The following NUDCD2 variants were observed in gnomAD, a reference collection of about 807,000 sequenced individuals.
NUDCD2 encodes the protein NudC domain containing 2.
NUDCD2 carries 16 observed loss-of-function variants against 20.8 expected under a neutral mutation model. The observed-to-expected ratio is 0.77, with a 90% CI of 0.52 to 1.17. The LOEUF is 1.17. NUDCD2 is among the 50% of genes most tolerant of loss of function. The pLI is 0.00. For missense variants in NUDCD2, 199 were observed against 193.9 expected (o/e 1.03, Z -0.16); for synonymous variants, 87 against 72.8 (o/e 1.20, Z -1.00).
chr5:163,449,100 TC>T lies in NUDCD2; in HGVS notation c.*4866del, dbSNP rs1758114028. 6.6e-6 allele frequency: 1 copy of T among 152,050 alleles called. No individual in the cohort carries two copies. The highest frequency in any genetic ancestry group is 1.5e-5 in the Non-Finnish European group (1 of 68,008). 9.4% of individuals were successfully genotyped at this position (152,050 alleles called of 1,614,324 possible). A position where few individuals can be genotyped will look rare whatever the true frequency, so the allele number is the denominator to read the frequency against. ...GGCCACTGCAATCAGGCAAGAAAAA[TC>T]ATAGACTAAAAAGAATAAAATAAAA... On this transcript the variant is annotated 3_prime_UTR_variant, in exon 4 of 4. Transcript: ENST00000302764.
chr5:163,456,732 A>C (rs1758320700), intron 3 of NUDCD2, among the ~76,000 whole-genome samples, 197 bp downstream of exon 3: 1 of 152,224 alleles, frequency 6.6e-6, no homozygotes, highest in Non-Finnish European at 1.5e-5. Flanking sequence ...AGCAATACAA[A>C]TAAATTCCTC....
At position 163,446,847 on chromosome 5, in the gene NUDCD2, T is replaced by G. The variant is rs1187071488; in HGVS notation, c.*7120A>C. The G allele has an allele frequency of 6.6e-6, 1 of 152,086 alleles. No individual in the cohort carries two copies. The highest frequency in any genetic ancestry group is 1.5e-5 in the Non-Finnish European group (1 of 68,066). 9.4% of individuals were successfully genotyped at this position (152,086 alleles called of 1,614,324 possible). Reference sequence around the variant, plus strand: ...ATGGCCAACATGGTGAAACCCCATCTCTACTAAAAATACAAAAATCAGCTG... The same window carrying G: ...ATGGCCAACATGGTGAAACCCCATCGCTACTAAAAATACAAAAATCAGCTG... On this transcript the variant is annotated 3_prime_UTR_variant, in exon 4 of 4. Coordinates refer to ENST00000302764, the MANE Select transcript of NUDCD2 (RefSeq NM_145266.6).
In NUDCD2 at chr5:163,452,079, C is replaced by A. The variant is rs1375103713; in HGVS notation, c.*1888G>T. The A allele has an allele frequency of 6.6e-6, 1 of 150,466 alleles. No individual in the cohort carries two copies. The highest frequency in any genetic ancestry group is 1.5e-5 in the Non-Finnish European group (1 of 67,640). The allele number at this position is 150,466 out of a possible 1,614,324, so 9.3% of individuals were successfully genotyped here. On this transcript the variant is annotated 3_prime_UTR_variant, in exon 4 of 4. Transcript: ENST00000302764. ...AAAAAAAAAAAACCCCACAAATAATCAAATAGGAATCAGGTTTCTCACTGG... is the reference window on the plus strand; with the variant it reads ...AAAAAAAAAAAACCCCACAAATAATAAAATAGGAATCAGGTTTCTCACTGG...
rs1195590879 is a variant in NUDCD2, at chr5:163,456,963, T to A, written c.356A>T (p.Gln119Leu). 1 of 1,611,922 alleles carries A rather than the reference T, an allele frequency of 6.2e-7. No homozygotes were observed. Among genetic ancestry groups the A allele is most frequent in the Non-Finnish European group, 8.5e-7 (1 of 1,179,238 alleles). Reference sequence around the variant, plus strand: ...GAATCTCTCTAATGTAAGCTTTCTCTGCATTTGGTCTTGCACCCAAGGATC... The same window carrying A: ...GAATCTCTCTAATGTAAGCTTTCTCAGCATTTGGTCTTGCACCCAAGGATC... Reference protein sequence around the residue: ...AADPWVQDQMQRKLTLERFQK... With the variant: ...AADPWVQDQMLRKLTLERFQK... The change falls in exon 3 of 4, where the codon CAG becomes CTG. Residue 119 changes from glutamine (Q) to leucine (L), a missense_variant. Coordinates refer to ENST00000302764, the MANE Select transcript of NUDCD2 (RefSeq NM_145266.6).
chr5:163,450,092 A>T lies in NUDCD2; in HGVS notation c.*3875T>A, dbSNP rs756394199. On this transcript the variant is annotated 3_prime_UTR_variant, in exon 4 of 4. Transcript: ENST00000302764. ...ATGGTGAAATCCCAACTCTACTAAAAATAAAAAATAAAAAAAAAATGGGCT... is the reference window on the plus strand; with the variant it reads ...ATGGTGAAATCCCAACTCTACTAAATATAAAAAATAAAAAAAAAATGGGCT... 1 of 151,992 alleles carries T rather than the reference A, an allele frequency of 6.6e-6. No individual in the cohort carries two copies. Among genetic ancestry groups the T allele is most frequent in the Non-Finnish European group, 1.5e-5 (1 of 68,046 alleles). The allele number at this position is 151,992 out of a possible 1,614,324, so 9.4% of individuals were successfully genotyped here.
intron 3 of NUDCD2, among the ~76,000 whole-genome samples, chr5:163,456,029 A>G (rs1758299527): frequency 6.6e-6 from 1 of 152,208 alleles, no homozygotes; most frequent in Non-Finnish European, 1.5e-5. Flanking sequence ...ATCAACTGAG[A>G]TGAAAAGGCT....
chr5:163,456,796 C>T, intron 3 of NUDCD2, 133 bp downstream of exon 3: 1 of 711,618 alleles, frequency 1.4e-6, no homozygotes, highest in Non-Finnish European at 2.1e-6. Context: ...ATTTTTCTAA[C>T]AATTCACTTT....
Position 163,453,142 on chromosome 5 carries a change from CTG to C in NUDCD2, c.*823_*824del, listed in dbSNP as rs1758220616. On this transcript the variant is annotated 3_prime_UTR_variant, in exon 4 of 4. Coordinates refer to ENST00000302764, the MANE Select transcript of NUDCD2 (RefSeq NM_145266.6). ...AATGGTTCAGAAAGAAAAAAATTAT[CTG>C]TAACTTTTCTATGCATGAGATTTAA... 1 of 152,144 alleles carries C rather than the reference CTG, an allele frequency of 6.6e-6. No homozygotes were observed. The highest frequency in any genetic ancestry group is 6.5e-5 in the Admixed American group (1 of 15,272). 9.4% of individuals were successfully genotyped at this position (152,144 alleles called of 1,614,324 possible). A position where few individuals can be genotyped will look rare whatever the true frequency, so the allele number is the denominator to read the frequency against.
rs1297341098 is a variant in NUDCD2 at position 163,460,098 on chromosome 5, C to G, written c.-48G>C. The G allele has an allele frequency of 1.3e-6, 2 of 1,485,802 alleles. No individual in the cohort carries two copies. Among genetic ancestry groups the G allele is most frequent in the South Asian group, 1.4e-5 (1 of 73,688 alleles). 92.0% of individuals were successfully genotyped at this position (1,485,802 alleles called of 1,614,324 possible). A position where few individuals can be genotyped will look rare whatever the true frequency, so the allele number is the denominator to read the frequency against. On this transcript the variant is annotated 5_prime_UTR_variant, in exon 1 of 4. Coordinates refer to ENST00000302764, the MANE Select transcript of NUDCD2 (RefSeq NM_145266.6). ...GCCGCACCAGGCGGAGCCGAGCGCA[C>G]GCGCGGAATCCCACGCTTAGGCTAC...
At position 163,447,763 on chromosome 5, in the gene NUDCD2, A is replaced by G. The variant is rs1380701379; in HGVS notation, c.*6204T>C. On this transcript the variant is annotated 3_prime_UTR_variant, in exon 4 of 4. Coordinates refer to ENST00000302764, the MANE Select transcript of NUDCD2 (RefSeq NM_145266.6). Reference sequence around the variant, plus strand: ...GAAATCATATAAAATATGTTTTTTGACCATAATCTAGAAATCAGTAACAGC... The same window carrying G: ...GAAATCATATAAAATATGTTTTTTGGCCATAATCTAGAAATCAGTAACAGC... 2 of 152,196 alleles carry G rather than the reference A, an allele frequency of 1.3e-5. No individual in the cohort carries two copies. Among genetic ancestry groups the G allele is most frequent in the African/African-American group, 4.8e-5 (2 of 41,450 alleles). 9.4% of individuals were successfully genotyped at this position (152,196 alleles called of 1,614,324 possible).
chr5:163,446,841 C>G lies in NUDCD2; in HGVS notation c.*7126G>C, dbSNP rs1758049105. On this transcript the variant is annotated 3_prime_UTR_variant, in exon 4 of 4. Coordinates refer to ENST00000302764, the MANE Select transcript of NUDCD2 (RefSeq NM_145266.6). ...ACCAGCATGGCCAACATGGTGAAAC[C>G]CCATCTCTACTAAAAATACAAAAAT... 6.6e-6 allele frequency: 1 copy of G among 152,040 alleles called. No individual in the cohort carries two copies. The highest frequency in any genetic ancestry group is 1.5e-5 in the Non-Finnish European group (1 of 68,060). 9.4% of individuals were successfully genotyped at this position (152,040 alleles called of 1,614,324 possible). A position where few individuals can be genotyped will look rare whatever the true frequency, so the allele number is the denominator to read the frequency against.
chr5:163,451,162 T>C lies in NUDCD2; in HGVS notation c.*2805A>G, dbSNP rs1260087721. 2.0e-5 allele frequency: 3 copies of C among 152,190 alleles called. No individual in the cohort carries two copies. Among genetic ancestry groups the C allele is most frequent in the African/African-American group, 7.2e-5 (3 of 41,460 alleles). 9.4% of individuals were successfully genotyped at this position (152,190 alleles called of 1,614,324 possible). ...GGATAAAAGCTAAACTATACAAGGT[T>C]TCTATCTGAGGTGATGAAAACATTC... On this transcript the variant is annotated 3_prime_UTR_variant, in exon 4 of 4. Coordinates refer to ENST00000302764, the MANE Select transcript of NUDCD2 (RefSeq NM_145266.6).
At position 163,447,352 on chromosome 5, in the gene NUDCD2, G is replaced by A. The variant is rs1581174193; in HGVS notation, c.*6615C>T. ...TGTAGTCCTAGGTACTGAGGAGCCT[G>A]AGGTGGGAAGACTGTCTGAGCCCAG... On this transcript the variant is annotated 3_prime_UTR_variant, in exon 4 of 4. Coordinates refer to ENST00000302764, the MANE Select transcript of NUDCD2 (RefSeq NM_145266.6). The A allele has an allele frequency of 1.3e-5, 2 of 151,786 alleles. No homozygotes were observed. Among genetic ancestry groups the A allele is most frequent in the East Asian group, 3.9e-4 (2 of 5,130 alleles). 9.4% of individuals were successfully genotyped at this position (151,786 alleles called of 1,614,324 possible).
chr5:163,453,663 T>C lies in NUDCD2; in HGVS notation c.*304A>G. ...AAGGCACCCTTCATTTCACATGATC[T>C]ATACTCTAATGTTCTTTTGTATTAA... On this transcript the variant is annotated 3_prime_UTR_variant, in exon 4 of 4. Coordinates refer to ENST00000302764, the MANE Select transcript of NUDCD2 (RefSeq NM_145266.6). The C allele has an allele frequency of 5.3e-6, 1 of 189,008 alleles. No homozygotes were observed. The highest frequency in any genetic ancestry group is 1.1e-5 in the Non-Finnish European group (1 of 92,514). The allele number at this position is 189,008 out of a possible 1,614,324, so 11.7% of individuals were successfully genotyped here. A position where few individuals can be genotyped will look rare whatever the true frequency, so the allele number is the denominator to read the frequency against.
chr5:163,457,106 A>G (rs181235349), intron 2 of NUDCD2, 26 bp from the exon 3 acceptor site: 439 of 1,522,838 alleles, frequency 2.9e-4, no homozygotes, highest in Non-Finnish European at 3.7e-4. Context: ...ACACACACAC[A>G]CGCACAAATA....
intron 3 of NUDCD2, among the ~76,000 whole-genome samples, chr5:163,454,564 C>A (rs1295067781): frequency 6.6e-6 from 1 of 152,212 alleles, no homozygotes; most frequent in African/African-American, 2.4e-5. Context: ...TTGTCTTGAA[C>A]TCCCAACCTC....
At chr5:163,457,218 G>A (rs1245219032) in intron 2 of NUDCD2, 138 bp from the exon 3 acceptor site, 16 of 859,178 alleles carry the variant, frequency 1.9e-5, no homozygotes, top group African/African-American at 5.4e-5. Context: ...TGAAACCTCC[G>A]CCCCCCGGGT....
rs756887580 is a variant in NUDCD2, at chr5:163,459,902, C to A, written c.149G>T (p.Arg50Leu). Reference protein sequence around the residue: ...AQDIQCGLQSRHVALSVGGRE... With the variant: ...AQDIQCGLQSLHVALSVGGRE... ...GCCGCCCACCGACAGCGCCACATGC[C>A]GGCTCTGGAGGCCGCACTGGATATC... Residue 50 changes from arginine (R) to leucine (L), a missense_variant, in exon 1 of 4, where the codon CGG becomes CTG. Coordinates refer to ENST00000302764, the MANE Select transcript of NUDCD2 (RefSeq NM_145266.6). The A allele has an allele frequency of 1.9e-6, 3 of 1,610,954 alleles. No individual in the cohort carries two copies. Among genetic ancestry groups the A allele is most frequent in the Admixed American group, 1.7e-5 (1 of 59,480 alleles).
rs1758061032 is a variant in NUDCD2, at chr5:163,447,338, G to C, written c.*6629C>G. Reference sequence around the variant, plus strand: ...TAGTGATATACATCTGTAGTCCTAGGTACTGAGGAGCCTGAGGTGGGAAGA... The same window carrying C: ...TAGTGATATACATCTGTAGTCCTAGCTACTGAGGAGCCTGAGGTGGGAAGA... On this transcript the variant is annotated 3_prime_UTR_variant, in exon 4 of 4. Transcript: ENST00000302764. 6.6e-6 allele frequency: 1 copy of C among 151,712 alleles called. No individual in the cohort carries two copies. The highest frequency in any genetic ancestry group is 2.4e-5 in the African/African-American group (1 of 41,304). 9.4% of individuals were successfully genotyped at this position (151,712 alleles called of 1,614,324 possible).
Sources: allele counts gnomAD v4.1 joint callset (sites outside exome capture counted in the v4.1 genomes callset), GRCh38; gene constraint gnomAD v4.1.1; transcripts MANE v1.5; gene names NCBI Gene and HGNC (gene_info 2026-07-23, HGNC 2026-07-21).